ATP9B: variants seen among roughly 807,000 people sequenced by gnomAD.
ATP9B encodes probable phospholipid-transporting ATPase IIB.
ATP9B carries 110 observed loss-of-function variants against 146.1 expected under a neutral mutation model. The ratio of observed to expected loss-of-function variants is 0.75; its 90% CI spans 0.65 to 0.88. The LOEUF (loss-of-function observed/expected upper bound fraction) is 0.88. Ranked by LOEUF, ATP9B falls within the 40% of genes least tolerant of loss-of-function variation. ATP9B has a pLI of 0.00. For missense variants in ATP9B, 1,499 were observed against 1,496.4 expected, an observed-to-expected ratio of 1.00 and a Z score of -0.03; for synonymous variants, 604 against 569.7, an observed-to-expected ratio of 1.06 and a Z score of -0.86.
At chr18:79,218,128 C>T (rs1023888248) in intron 11 of ATP9B, among the ~76,000 whole-genome samples, 10 of 152,164 alleles carry the variant, frequency 6.6e-5, no homozygotes, top group South Asian at 4.1e-4. Context: ...GTTCCAGGTC[C>T]GGCCAGGCTG....
intron 15 of ATP9B, among the ~76,000 whole-genome samples, chr18:79,309,338 A>C (rs1294530537): frequency 5.8e-5 from 7 of 120,652 alleles, no homozygotes; most frequent in African/African-American, 2.1e-4. Context: ...ACTGATCCCC[A>C]GCAGGTAGAA....
At chr18:79,299,926 G>T (rs2096578793) in intron 13 of ATP9B, 1 of 152,270 alleles carries the variant, frequency 6.6e-6, no homozygotes. Flanking sequence ...GCTGTGCCAC[G>T]AGGAGCAGCC....
intron 1 of ATP9B, among the ~76,000 whole-genome samples, chr18:79,072,913 C>G (rs1401498257): frequency 6.7e-6 from 1 of 150,372 alleles, no homozygotes; most frequent in Non-Finnish European, 1.5e-5. Flanking sequence ...ACCTCCCAGA[C>G]AGGGCGGCCG....
chr18:79,341,837 G>A (rs966214752), intron 19 of ATP9B, among the ~76,000 whole-genome samples: 21 of 152,290 alleles, frequency 1.4e-4, no homozygotes, highest in East Asian at 7.7e-4. Context: ...TTGCGTTGCC[G>A]ATTCTTGTGC....
intron 9 of ATP9B, among the ~76,000 whole-genome samples, chr18:79,205,409 T>G (rs1411803478): frequency 1.3e-5 from 1 of 74,704 alleles, no homozygotes; most frequent in East Asian, 2.6e-4. Flanking sequence ...ACCAGTTACA[T>G]AAACGTATTT....
chr18:79,182,990 G>GA (rs1258769068), intron 8 of ATP9B, among the ~76,000 whole-genome samples: 1 of 152,206 alleles, frequency 6.6e-6, no homozygotes, highest in East Asian at 1.9e-4. Flanking sequence ...TCACAAAATA[G>GA]AAAAAAACCT....
intron 1 of ATP9B, among the ~76,000 whole-genome samples, chr18:79,074,750 T>A (rs1323950479): frequency 6.6e-6 from 1 of 152,254 alleles, no homozygotes; most frequent in African/African-American, 2.4e-5. Flanking sequence ...GATTGGCTCT[T>A]GCTTAATTAC....
At chr18:79,342,182 C>A in intron 19 of ATP9B, 86 bp from the exon 20 acceptor site, 1 of 1,068,548 alleles carries the variant, frequency 9.4e-7, no homozygotes, top group Non-Finnish European at 1.4e-6. Context: ...TTGCTTCCAC[C>A]TTTTGGCTGT....
intron 25 of ATP9B, among the ~76,000 whole-genome samples, chr18:79,358,907 CTGTGGGTCTGGAGGTGT>C (rs1268289455): frequency 2.8e-5 from 4 of 141,142 alleles, no homozygotes; most frequent in African/African-American, 1.1e-4. Flanking sequence ...GTGAGGGGTG[CTGTGGGTCTGGAGGTGT>C]CTGTGTGAGG....
At chr18:79,339,843 C>T (rs1032515363) in intron 19 of ATP9B, among the ~76,000 whole-genome samples, 1 of 152,170 alleles carries the variant, frequency 6.6e-6, no homozygotes, top group African/African-American at 2.4e-5. Flanking sequence ...CGTCATGAGG[C>T]TGTATCTGGT....
intron 12 of ATP9B, among the ~76,000 whole-genome samples, chr18:79,260,886 G>A (rs2096133749): frequency 6.6e-6 from 1 of 152,186 alleles, no homozygotes; most frequent in Non-Finnish European, 1.5e-5. Flanking sequence ...AAACTTGCTT[G>A]GGATCAGTGA....
intron 7 of ATP9B, among the ~76,000 whole-genome samples, chr18:79,165,465 T>A (rs771510141): frequency 6.6e-6 from 1 of 152,246 alleles, no homozygotes; most frequent in Non-Finnish European, 1.5e-5. Flanking sequence ...AAACCAACAG[T>A]GTCTCTAGAA....
chr18:79,225,589 G>T (rs1241774978), intron 11 of ATP9B, among the ~76,000 whole-genome samples: 1 of 151,860 alleles, frequency 6.6e-6, no homozygotes, highest in East Asian at 1.9e-4. Flanking sequence ...TGACTGCTGG[G>T]TCCCGCAGTC....
intron 1 of ATP9B, among the ~76,000 whole-genome samples, chr18:79,071,483 C>G (rs2146354876): frequency 7.2e-6 from 1 of 138,832 alleles, no homozygotes; most frequent in African/African-American, 2.7e-5. Context: ...CAGCTTTGAT[C>G]TGTTGGGCCC....
intron 1 of ATP9B, among the ~76,000 whole-genome samples, chr18:79,084,325 C>T (rs2073597301): frequency 6.6e-6 from 1 of 152,024 alleles, no homozygotes; most frequent in African/African-American, 2.4e-5. Context: ...TTCCACCTAT[C>T]CCCCAACCAC....
chr18:79,303,731 C>T lies in ATP9B; in HGVS notation c.1524+15C>T, dbSNP rs778152783. ...CCTACTCACAGGTAAGTGGGTTCCT[C>T]CTGCACGGGGTCTGCTTCCACACAC... On this transcript the variant is annotated intron_variant, in intron 14 of 29. Transcript: ENST00000426216. 1 of 1,597,446 alleles carries T rather than the reference C, an allele frequency of 6.3e-7. No homozygotes were observed. The highest frequency in any genetic ancestry group is 8.6e-7 in the Non-Finnish European group (1 of 1,165,880).
chr18:79,280,686 T>C (rs1167141381), intron 13 of ATP9B, among the ~76,000 whole-genome samples: 1 of 152,180 alleles, frequency 6.6e-6, no homozygotes, highest in Non-Finnish European at 1.5e-5. Flanking sequence ...TAGAAACACA[T>C]GTGCTTATCA....
At chr18:79,313,044 C>A (rs1385901138) in intron 15 of ATP9B, among the ~76,000 whole-genome samples, 9 of 152,178 alleles carry the variant, frequency 5.9e-5, no homozygotes, top group Non-Finnish European at 1.3e-4. Context: ...GTTGGCTACA[C>A]CTTTCTGTCA....
intron 11 of ATP9B, among the ~76,000 whole-genome samples, chr18:79,240,331 T>A (rs2095876504): frequency 6.6e-6 from 1 of 152,198 alleles, no homozygotes; most frequent in South Asian, 2.1e-4. Context: ...ATATAGAAAA[T>A]TCAGCCTGTT....
Sources: allele counts gnomAD v4.1 joint callset (sites outside exome capture counted in the v4.1 genomes callset), GRCh38; gene constraint gnomAD v4.1.1; transcripts MANE v1.5; gene names NCBI Gene and HGNC (gene_info 2026-07-23, HGNC 2026-07-21).